The following HDAC9 variants were observed in gnomAD, a reference collection of about 807,000 sequenced individuals.
HDAC9 encodes MEF-2 interacting transcription repressor (MITR) protein.
HDAC9 carries 41 observed loss-of-function variants against 139.4 expected under a neutral mutation model. The ratio of observed to expected loss-of-function variants is 0.29; its 90% CI spans 0.23 to 0.38. The LOEUF (loss-of-function observed/expected upper bound fraction) is 0.38. Among genes scored for constraint, HDAC9 ranks in the 10% least tolerant of loss-of-function variants. The pLI, the probability that HDAC9 is intolerant of heterozygous loss-of-function variation, is 1.00. For synonymous variants in HDAC9, 517 were observed against 476.2 expected, an observed-to-expected ratio of 1.09 and a Z score of -1.12; for missense variants, 1,147 against 1,297.0, an observed-to-expected ratio of 0.88 and a Z score of 1.78.
At chr7:18,991,515 T>G (rs1182614346) in intron 25 of HDAC9, among the ~76,000 whole-genome samples, 3 of 152,094 alleles carry the variant, frequency 2.0e-5, no homozygotes, top group Non-Finnish European at 4.4e-5. Flanking sequence ...CAGGCACCTG[T>G]AGTCCCAGCT....
Position 18,762,151 on chromosome 7 carries a change from T to C in HDAC9, c.2044-6T>C. On this transcript the variant is annotated splice_region_variant and splice_polypyrimidine_tract_variant and intron_variant, in intron 14 of 25. Transcript: ENST00000686413. ...TGTACTGTTGGCTTCTGCTATTTTC[T>C]TGCAGCGAATTCAAGGTCGAAAAGC... The C allele has an allele frequency of 6.2e-7, 1 of 1,613,412 alleles. No homozygotes were observed. The highest frequency in any genetic ancestry group is 8.5e-7 in the Non-Finnish European group (1 of 1,179,550).
intron 1 of HDAC9, among the ~76,000 whole-genome samples, chr7:18,385,832 C>G (rs936340912): frequency 6.6e-6 from 1 of 151,954 alleles, no homozygotes; most frequent in Admixed American, 6.6e-5. Context: ...GAAAAAATTT[C>G]CTAGCATAGG....
intron 10 of HDAC9, 69 bp downstream of exon 10, chr7:18,648,067 C>A: frequency 8.2e-7 from 1 of 1,224,588 alleles, no homozygotes; most frequent in Non-Finnish European, 1.1e-6. Flanking sequence ...AGGATAATGT[C>A]TCTTTTACTC....
Position 18,954,250 on chromosome 7 carries a change from T to A in HDAC9, c.3022+20T>A, listed in dbSNP as rs1306607413. 1 of 1,338,248 alleles carries A rather than the reference T, an allele frequency of 7.5e-7. No homozygotes were observed. The highest frequency in any genetic ancestry group is 1.3e-5 in the South Asian group (1 of 77,874). 82.9% of individuals were successfully genotyped at this position (1,338,248 alleles called of 1,614,324 possible). On this transcript the variant is annotated intron_variant, in intron 24 of 25. Coordinates refer to ENST00000686413, the MANE Select transcript of HDAC9 (RefSeq NM_178425.4). Reference sequence around the variant, plus strand: ...TTCAAAGTATGTCTTTAAAGTTCTCTTAAAAATTCTAAGCAGGTAAAACTA... The same window carrying A: ...TTCAAAGTATGTCTTTAAAGTTCTCATAAAAATTCTAAGCAGGTAAAACTA...
intron 6 of HDAC9, among the ~76,000 whole-genome samples, chr7:18,596,306 T>A (rs903692115): frequency 6.6e-6 from 1 of 152,116 alleles, no homozygotes; most frequent in Non-Finnish European, 1.5e-5. Context: ...AAAAATAAGA[T>A]GTAATTAAAT....
At chr7:18,991,224 A>AG (rs1785907145) in intron 25 of HDAC9, among the ~76,000 whole-genome samples, 1 of 152,290 alleles carries the variant, frequency 6.6e-6, no homozygotes, top group Admixed American at 6.5e-5. Context: ...ATAACATTGG[A>AG]GGGGGGAGAT....
chr7:18,120,836 C>T (rs1784323183), intron 1 of HDAC9, among the ~76,000 whole-genome samples: 1 of 152,178 alleles, frequency 6.6e-6, no homozygotes, highest in Non-Finnish European at 1.5e-5. Context: ...TTGATTTGCT[C>T]TTCTCTTGGG....
At chr7:18,446,189 G>C (rs936353404) in intron 1 of HDAC9, among the ~76,000 whole-genome samples, 5 of 152,212 alleles carry the variant, frequency 3.3e-5, no homozygotes, top group Non-Finnish European at 7.3e-5. Context: ...CACACACACA[G>C]AACTTCCACT....
Position 18,409,979 on chromosome 7 carries a change from G to A in HDAC9, c.-41-86283G>A, listed in dbSNP as rs550562460. 5.3e-5 allele frequency among the ~76,000 whole-genome samples: 8 copies of A among 151,916 alleles called. No individual in the cohort carries two copies. The East Asian group carries it at 7.7e-4, about 15-fold the overall frequency. On this transcript the variant is annotated intron_variant, in intron 1 of 3. Coordinates refer to the HDAC9 transcript ENST00000413509. Reference sequence around the variant, plus strand: ...GTAAAGTGAACAATAGAAAGTATTCGTTTTATTTTAAATTTTTAGTCCATA... The same window carrying A: ...GTAAAGTGAACAATAGAAAGTATTCATTTTATTTTAAATTTTTAGTCCATA...
At chr7:18,925,377 A>G (rs150387837) in intron 22 of HDAC9, among the ~76,000 whole-genome samples, 293 of 152,254 alleles carry the variant, frequency 1.9e-3, no homozygotes, top group African/African-American at 6.8e-3. Context: ...AGCACTTAGC[A>G]TGGTGCCTGG....
At chr7:18,727,793 C>A in intron 13 of HDAC9, 36 bp downstream of exon 13, 2 of 1,383,692 alleles carry the variant, frequency 1.4e-6, no homozygotes, top group Non-Finnish European at 1.9e-6. Context: ...AATAGGCAGG[C>A]TAAATGCCCC....
At chr7:18,287,501 GC>G (rs1046190043), upstream of HDAC9, among the ~76,000 whole-genome samples, 31 of 152,200 alleles carry the variant, frequency 2.0e-4, no homozygotes, top group African/African-American at 6.3e-4. Flanking sequence ...AAGAGTGTTT[GC>G]CAACTCTTTT....
At chr7:18,228,672 A>T (rs917303126) in intron 2 of HDAC9, among the ~76,000 whole-genome samples, 1 of 152,104 alleles carries the variant, frequency 6.6e-6, no homozygotes, top group Non-Finnish European at 1.5e-5. Context: ...TGGTTCTCAG[A>T]TCAACACCAA....
intron 2 of HDAC9, among the ~76,000 whole-genome samples, chr7:18,197,071 A>G (rs1206979138): frequency 6.6e-6 from 1 of 152,156 alleles, no homozygotes; most frequent in African/African-American, 2.4e-5. Context: ...GACCCCCCTT[A>G]TGTAAGAGAG....
chr7:18,645,651 A>G (rs909925854), intron 9 of HDAC9, among the ~76,000 whole-genome samples: 2 of 152,174 alleles, frequency 1.3e-5, no homozygotes, highest in African/African-American at 4.8e-5. Flanking sequence ...GTTGTAAAAA[A>G]TGTGTGGGCC....
chr7:18,961,440 G>C (rs1245653189), intron 24 of HDAC9, among the ~76,000 whole-genome samples: 1 of 152,116 alleles, frequency 6.6e-6, no homozygotes, highest in Non-Finnish European at 1.5e-5. Flanking sequence ...CCCACGATAG[G>C]AAATTGTGAA....
chr7:18,391,511 T>G (rs1428713176), intron 1 of HDAC9, among the ~76,000 whole-genome samples: 2 of 152,338 alleles, frequency 1.3e-5, no homozygotes, highest in South Asian at 2.1e-4. Context: ...CAAAGTGACC[T>G]GTTTACCTGC....
chr7:18,399,649 AGAG>A (rs1562952353), intron 1 of HDAC9, among the ~76,000 whole-genome samples: 1 of 152,182 alleles, frequency 6.6e-6, no homozygotes, highest in Non-Finnish European at 1.5e-5. Flanking sequence ...ACATTTTCTC[AGAG>A]GAGTACTAGG....
chr7:18,276,720 A>G (rs1015430846), intron 2 of HDAC9, among the ~76,000 whole-genome samples: 2 of 152,244 alleles, frequency 1.3e-5, no homozygotes, highest in East Asian at 3.8e-4. Flanking sequence ...AATAATGAAT[A>G]GCTGAAGTGA....
Sources: gnomAD v4.1 joint callset for allele counts (sites outside exome capture counted in the v4.1 genomes callset) on GRCh38, gnomAD v4.1.1 for gene constraint, MANE v1.5 for transcripts, NCBI Gene and HGNC (gene_info 2026-07-23, HGNC 2026-07-21) for gene names.